CACNA1A: variants seen among roughly 807,000 people sequenced by gnomAD.
The protein encoded by CACNA1A is voltage-dependent P/Q-type calcium channel subunit alpha-1A.
In CACNA1A, 57 loss-of-function variants were observed where a neutral mutation model predicts 262.4. The ratio of observed to expected loss-of-function variants is 0.22; its 90% CI spans 0.18 to 0.27. The LOEUF is 0.27. Ranked by LOEUF, CACNA1A falls within the 10% of genes least tolerant of loss-of-function variation. The probability of loss-of-function intolerance (pLI) is 1.00; values close to 1 mark genes in which losing one functional copy is unlikely to be tolerated. For missense variants in CACNA1A, 2,526 were observed against 3,562.8 expected, an observed-to-expected ratio of 0.71 and a Z score of 7.41; for synonymous variants, 1,431 against 1,419.3, an observed-to-expected ratio of 1.01 and a Z score of -0.18.
At chr19:13,413,113 GT>G (rs904572930) in intron 3 of CACNA1A, among the ~76,000 whole-genome samples, 12 of 115,972 alleles carry the variant, frequency 1.0e-4, no homozygotes, top group East Asian at 5.6e-4. Flanking sequence ...TTTTTTTTTT[GT>G]TTTTTTTTTA....
chr19:13,378,236 T>C (rs2059451810), intron 3 of CACNA1A, among the ~76,000 whole-genome samples: 1 of 152,188 alleles, frequency 6.6e-6, no homozygotes, highest in Non-Finnish European at 1.5e-5. Context: ...GCGTTACTTG[T>C]TATGGAAGAG....
intron 3 of CACNA1A, among the ~76,000 whole-genome samples, chr19:13,373,782 G>A (rs2059362271): frequency 6.6e-6 from 1 of 152,326 alleles, no homozygotes; most frequent in African/African-American, 2.4e-5. Context: ...ATTAGGTTGG[G>A]CTGACCTTTT....
At chr19:13,245,154 C>T (rs775159639) in intron 31 of CACNA1A, 28 bp downstream of exon 31, 1 of 1,587,602 alleles carries the variant, frequency 6.3e-7, no homozygotes. Flanking sequence ...CCCAGAGTCA[C>T]CCAGAGAGAA....
intron 6 of CACNA1A, among the ~76,000 whole-genome samples, chr19:13,338,286 G>A (rs1032553762): frequency 6.6e-5 from 10 of 151,636 alleles, no homozygotes; most frequent in Admixed American, 4.6e-4. Context: ...TATGTATTCG[G>A]TCCATTATGG....
chr19:13,287,519 TTTTCTTTC>T (rs772125563), intron 19 of CACNA1A, among the ~76,000 whole-genome samples: 9 of 152,162 alleles, frequency 5.9e-5, no homozygotes, highest in Admixed American at 3.9e-4. Flanking sequence ...ATCTTATTTC[TTTTCTTTC>T]TTTCTTTCTT....
chr19:13,217,956 A>AT (rs1471007388), intron 38 of CACNA1A, among the ~76,000 whole-genome samples: 1 of 148,612 alleles, frequency 6.7e-6, no homozygotes, highest in Non-Finnish European at 1.5e-5. Context: ...TTTTTTAAAA[A>AT]AAAGAGATAG....
At chr19:13,476,745 C>G (rs1255138643) in intron 1 of CACNA1A, among the ~76,000 whole-genome samples, 2 of 152,264 alleles carry the variant, frequency 1.3e-5, no homozygotes, top group African/African-American at 2.4e-5. Context: ...AATAAAAAAA[C>G]TTAAAAATTA....
Position 13,308,283 on chromosome 19 carries a change from C to T in CACNA1A, c.1782-32G>A, listed in dbSNP as rs774310169. On this transcript the variant is annotated intron_variant, in intron 13 of 46. Coordinates refer to ENST00000360228, the MANE Select transcript of CACNA1A (RefSeq NM_001127222.2). The surrounding 1 kb of genome is among the most constrained non-coding windows in gnomAD (Gnocchi z 4.2). The stretch of plus-strand genomic sequence containing the variant: ...ACAGAGGCCAGGCGAGGACTCAGGC[C>T]AGGCGGGGGAGGCAGGGCCCCGGAG... 58 of 1,599,120 alleles carry T rather than the reference C, an allele frequency of 3.6e-5. 1 individual carries two copies. The highest frequency in any genetic ancestry group is 4.4e-5 in the Non-Finnish European group (51 of 1,170,742).
intron 3 of CACNA1A, among the ~76,000 whole-genome samples, chr19:13,417,935 C>T (rs1417211322): frequency 6.6e-6 from 1 of 150,418 alleles, no homozygotes; most frequent in South Asian, 2.1e-4. Context: ...TCCACCAAGA[C>T]ACAGACCTCC....
intron 31 of CACNA1A, 63 bp downstream of exon 31, chr19:13,245,119 G>A (rs983799836): frequency 1.4e-5 from 18 of 1,303,800 alleles, no homozygotes; most frequent in Admixed American, 3.4e-5. Context: ...CCGCTCCCCC[G>A]CCCCCTGCCG....
intron 9 of CACNA1A, among the ~76,000 whole-genome samples, chr19:13,331,745 C>T (rs971587292): frequency 6.6e-6 from 1 of 152,016 alleles, no homozygotes; most frequent in Non-Finnish European, 1.5e-5. Context: ...ACTGCAACCT[C>T]GACCTCTTGG....
chr19:13,214,012 C>T lies in CACNA1A; in HGVS notation c.5940+221G>A, dbSNP rs2054910208. On this transcript the variant is annotated intron_variant, in intron 40 of 46. Transcript: ENST00000360228. This position sits in a 1 kb window ranked among gnomAD's most constrained non-coding sequence, Gnocchi z 4.1. Reference sequence around the variant, plus strand: ...ATGTTTTATTTTGTAGAGATGGAGTCTCACTGTGTTGCCCAGGGTGGTCTC... The same window carrying T: ...ATGTTTTATTTTGTAGAGATGGAGTTTCACTGTGTTGCCCAGGGTGGTCTC... 1.8e-6 allele frequency: 1 copy of T among 549,064 alleles called. No individual in the cohort carries two copies. The highest frequency in any genetic ancestry group is 3.1e-5 in the East Asian group (1 of 32,536). The allele number at this position is 549,064 out of a possible 1,614,324, so 34.0% of individuals were successfully genotyped here.
chr19:13,275,374 CAGG>C (rs1240426488), intron 24 of CACNA1A: 1 of 167,606 alleles, frequency 6.0e-6, no homozygotes. Context: ...CTAGGACTGC[CAGG>C]AGAAGTGAAA....
At chr19:13,219,045 T>A (rs1227957874) in intron 38 of CACNA1A, among the ~76,000 whole-genome samples, 1 of 141,838 alleles carries the variant, frequency 7.1e-6, no homozygotes, top group Non-Finnish European at 1.5e-5. Flanking sequence ...TTTGCAGATT[T>A]TTTTTTTTTT....
At position 13,207,484 on chromosome 19, in the gene CACNA1A, G is replaced by T; in HGVS notation, c.7350C>A (p.Arg2450=). ...CCGAGGCCCGGGGAGTCCTGGGCGA[G>T]CGCCCGGTGGCGCCCGAGGACGCGT... The part of the protein sequence containing the change: ...VRHASSGATG[R]SPRTPRASGP... The change falls in exon 47 of 47, where the codon CGC becomes CGA. Residue 2450 remains arginine (R), a synonymous_variant. Coordinates refer to ENST00000360228, the MANE Select transcript of CACNA1A (RefSeq NM_001127222.2). The surrounding 1 kb of genome is among the most constrained non-coding windows in gnomAD (Gnocchi z 5.7). The T allele has an allele frequency of 7.0e-7, 1 of 1,423,448 alleles. No individual in the cohort carries two copies. Among genetic ancestry groups the T allele is most frequent in the East Asian group, 3.1e-5 (1 of 32,540 alleles). The allele number at this position is 1,423,448 out of a possible 1,614,324, so 88.2% of individuals were successfully genotyped here.
chr19:13,419,463 C>A (rs555234576), intron 3 of CACNA1A, among the ~76,000 whole-genome samples: 1 of 151,310 alleles, frequency 6.6e-6, no homozygotes, highest in African/African-American at 2.4e-5. Context: ...CTCTTTTGAG[C>A]CCAGGAGTTT....
At chr19:13,325,796 T>C (rs62109075) in intron 10 of CACNA1A, among the ~76,000 whole-genome samples, 4,337 of 152,286 alleles carry the variant, frequency 0.028, 73 homozygotes, top group Non-Finnish European at 0.04. Context: ...GCTGTATCTA[T>C]TTATAGTGCA....
At position 13,234,618 on chromosome 19, in the gene CACNA1A, C is replaced by G. The variant is rs182668978; in HGVS notation, c.5249+303G>C. Reference sequence around the variant, plus strand: ...CCTGCTAGGATTCCTGGGCCCCCCACGACACCCATTTCCAGCCTCACGGGA... The same window carrying G: ...CCTGCTAGGATTCCTGGGCCCCCCAGGACACCCATTTCCAGCCTCACGGGA... On this transcript the variant is annotated intron_variant, in intron 34 of 46. Coordinates refer to ENST00000360228, the MANE Select transcript of CACNA1A (RefSeq NM_001127222.2). Among the ~76,000 whole-genome samples the G allele has an allele frequency of 1.9e-3, 294 of 152,150 alleles. 1 individual carries two copies. Among genetic ancestry groups the G allele is most frequent in the Middle Eastern group, 0.017 (5 of 294 alleles).
In CACNA1A at chr19:13,212,846, A is replaced by ACACT; in HGVS notation, c.5941-110_5941-107dup. On this transcript the variant is annotated intron_variant, in intron 40 of 46. Coordinates refer to ENST00000360228, the MANE Select transcript of CACNA1A (RefSeq NM_001127222.2). This position sits in a 1 kb window ranked among gnomAD's most constrained non-coding sequence, Gnocchi z 5.6. ...CCAGTATACACACACACACACACAC[A>ACACT]CACTCTCTCAGGTCTCATCCATCTA... The ACACT allele has an allele frequency of 1.7e-6, 1 of 575,050 alleles. No homozygotes were observed. Among genetic ancestry groups the ACACT allele is most frequent in the East Asian group, 2.9e-5 (1 of 34,442 alleles). 35.6% of individuals were successfully genotyped at this position (575,050 alleles called of 1,614,324 possible).
Sources: allele counts gnomAD v4.1 joint callset (sites outside exome capture counted in the v4.1 genomes callset), GRCh38; gene constraint gnomAD v4.1.1; non-coding constraint Gnocchi (gnomAD v3.1); transcripts MANE v1.5; gene names NCBI Gene and HGNC (gene_info 2026-07-23, HGNC 2026-07-21).